MRTFA: variants seen among roughly 807,000 people sequenced by gnomAD.
MRTFA encodes the protein myocardin related transcription factor A, also known as myocardin-related transcription factor A.
Under a neutral mutation model 83.5 loss-of-function variants are expected in MRTFA, and 20 were observed. That is an observed-to-expected ratio of 0.24 (90% CI 0.17 to 0.35). MRTFA has a LOEUF of 0.35. Among genes scored for constraint, MRTFA ranks in the 10% least tolerant of loss-of-function variants. The pLI is 1.00. For synonymous variants in MRTFA, 659 were observed against 541.2 expected (o/e 1.22, Z -3.02); for missense variants, 1,200 against 1,224.7 (o/e 0.98, Z 0.30).
chr22:40,459,782 T>G (rs75305662), intron 4 of MRTFA, among the ~76,000 whole-genome samples: 1 of 88,914 alleles, frequency 1.1e-5, no homozygotes, highest in Non-Finnish European at 2.1e-5. Flanking sequence ...TGATAAAATA[T>G]ACACACACAC....
intron 9 of MRTFA, among the ~76,000 whole-genome samples, chr22:40,423,019 C>T (rs1445045431): frequency 6.6e-6 from 1 of 152,172 alleles, no homozygotes; most frequent in East Asian, 1.9e-4. Context: ...TCTGCATGAG[C>T]TCTTGGTGCA....
At chr22:40,468,528 A>C (rs2147162308) in intron 3 of MRTFA, among the ~76,000 whole-genome samples, 1 of 152,344 alleles carries the variant, frequency 6.6e-6, no homozygotes, top group African/African-American at 2.4e-5. Flanking sequence ...CTGTAGGGAC[A>C]TTTCATTAAC....
chr22:40,424,525 G>A, intron 7 of MRTFA, 144 bp from the exon 8 acceptor site: 1 of 849,142 alleles, frequency 1.2e-6, no homozygotes. Context: ...GAGACTAGCA[G>A]CCAATCTGCT....
chr22:40,445,839 C>T (rs2053367562), intron 4 of MRTFA, among the ~76,000 whole-genome samples: 1 of 152,226 alleles, frequency 6.6e-6, no homozygotes, highest in South Asian at 2.1e-4. Flanking sequence ...TGAGCCACCA[C>T]ACCTGGTCCC....
intron 3 of MRTFA, among the ~76,000 whole-genome samples, chr22:40,486,657 G>A (rs1162779447): frequency 2.0e-5 from 3 of 152,136 alleles, no homozygotes; most frequent in Admixed American, 6.6e-5. Context: ...ACCTTACAAC[G>A]GTTGGCTCAT....
At position 40,462,581 on chromosome 22, in the gene MRTFA, C is replaced by G. The variant is rs996226567; in HGVS notation, c.307+640G>C. On this transcript the variant is annotated intron_variant, in intron 4 of 14. Transcript: ENST00000355630. ...ACCTCACCAGCTCCAGTTTCAGCTC[C>G]GTTTATAATGCTGTTGGTATTAAAG... Among the ~76,000 whole-genome samples the G allele has an allele frequency of 4.6e-5, 7 of 152,292 alleles. No homozygotes were observed. The East Asian group carries it at 9.6e-4, about 21-fold the overall frequency.
At chr22:40,444,266 G>C (rs1212784146) in intron 4 of MRTFA, among the ~76,000 whole-genome samples, 1 of 152,172 alleles carries the variant, frequency 6.6e-6, no homozygotes, top group East Asian at 1.9e-4. Context: ...AGAAAGAAAA[G>C]AGACTGGAGA....
chr22:40,509,459 C>G (rs916915425), intron 3 of MRTFA, among the ~76,000 whole-genome samples: 3 of 152,224 alleles, frequency 2.0e-5, no homozygotes, highest in Non-Finnish European at 4.4e-5. Context: ...AAATTCTCCC[C>G]ATAGCCGAAA....
chr22:40,550,226 T>C (rs2147309820), intron 3 of MRTFA, among the ~76,000 whole-genome samples: 1 of 151,962 alleles, frequency 6.6e-6, no homozygotes, highest in Middle Eastern at 3.4e-3. Context: ...AATTTTTTCA[T>C]AATAAAATGT....
chr22:40,432,706 G>T (rs996949428), intron 5 of MRTFA, among the ~76,000 whole-genome samples: 1 of 151,344 alleles, frequency 6.6e-6, no homozygotes, highest in Non-Finnish European at 1.5e-5. Flanking sequence ...AAAAAGACTT[G>T]TCCTCACCTA....
At chr22:40,487,237 G>T (rs1440680171) in intron 3 of MRTFA, among the ~76,000 whole-genome samples, 1 of 152,130 alleles carries the variant, frequency 6.6e-6, no homozygotes, top group Non-Finnish European at 1.5e-5. Context: ...TCAAATTAAT[G>T]TCATAAATAT....
At chr22:40,574,747 AT>A (rs1165505465) in intron 2 of MRTFA, among the ~76,000 whole-genome samples, 1 of 152,068 alleles carries the variant, frequency 6.6e-6, no homozygotes, top group African/African-American at 2.4e-5. Context: ...ATTAGTTATT[AT>A]AAATAATCTA....
At chr22:40,468,087 C>CT (rs1287743395) in intron 3 of MRTFA, among the ~76,000 whole-genome samples, 1 of 152,154 alleles carries the variant, frequency 6.6e-6, no homozygotes, top group African/African-American at 2.4e-5. Context: ...ATTTGAATAA[C>CT]TAGCTACTTT....
chr22:40,587,623 G>C (rs745939382), intron 2 of MRTFA: 37 of 303,418 alleles, frequency 1.2e-4, no homozygotes, highest in Non-Finnish European at 2.6e-5. Flanking sequence ...AGCCAGGGGA[G>C]AACAGATAGC....
At chr22:40,458,397 G>A (rs1346447286) in intron 4 of MRTFA, among the ~76,000 whole-genome samples, 1 of 152,132 alleles carries the variant, frequency 6.6e-6, no homozygotes, top group Non-Finnish European at 1.5e-5. Context: ...GCAGTACAGA[G>A]AGGTATATAG....
intron 14 of MRTFA, chr22:40,412,519 T>C (rs2052580837): frequency 6.6e-6 from 1 of 152,230 alleles, no homozygotes; most frequent in South Asian, 2.1e-4. Context: ...TCTCAGGTAT[T>C]TGTACACAGG....
chr22:40,566,201 G>C (rs1056942546), intron 2 of MRTFA, among the ~76,000 whole-genome samples: 7 of 151,982 alleles, frequency 4.6e-5, no homozygotes, highest in Non-Finnish European at 8.8e-5. Flanking sequence ...TTACACAATG[G>C]AGTGATATGA....
At chr22:40,592,266 C>CAA (rs398037181) in intron 2 of MRTFA, among the ~76,000 whole-genome samples, 1,150 of 86,230 alleles carry the variant, frequency 0.013, 33 homozygotes, top group African/African-American at 0.048. Context: ...TCAGTCTCTA[C>CAA]AAAAAAAAAA....
At chr22:40,561,691 A>AC (rs1431067297) in intron 2 of MRTFA, among the ~76,000 whole-genome samples, 1 of 152,178 alleles carries the variant, frequency 6.6e-6, no homozygotes, top group Non-Finnish European at 1.5e-5. Context: ...AGTACAAGCA[A>AC]CAGAAAAATA....
Sources: gnomAD v4.1 joint callset for allele counts (sites outside exome capture counted in the v4.1 genomes callset) on GRCh38, gnomAD v4.1.1 for gene constraint, MANE v1.5 for transcripts, NCBI Gene and HGNC (gene_info 2026-07-23, HGNC 2026-07-21) for gene names.